TUFM: variants seen among roughly 807,000 people sequenced by gnomAD.
TUFM encodes Tu translation elongation factor, mitochondrial, also known as elongation factor Tu, mitochondrial.
TUFM carries 23 observed loss-of-function variants against 45.0 expected under a neutral mutation model. That is an observed-to-expected ratio of 0.51 (90% confidence interval 0.37 to 0.72). The LOEUF (loss-of-function observed/expected upper bound fraction) is 0.72. TUFM is among the 30% of genes least tolerant of loss of function. The pLI is 0.00. For missense variants in TUFM, 490 were observed against 610.7 expected (o/e 0.80, Z 2.08); for synonymous variants, 243 against 252.9 (o/e 0.96, Z 0.37).
rs1318062101 is a variant in TUFM at position 28,842,836 on chromosome 16, C to T, written c.*139G>A. On this transcript the variant is annotated 3_prime_UTR_variant, in exon 10 of 10. Transcript: ENST00000313511. ...ACCTCCCCAGCCAGGCAGGCCAACCCTTCCGAGCAGGGGAAATGTCCATCT... is the reference window on the plus strand; with the variant it reads ...ACCTCCCCAGCCAGGCAGGCCAACCTTTCCGAGCAGGGGAAATGTCCATCT... 5.1e-6 allele frequency: 6 copies of T among 1,182,626 alleles called. No individual in the cohort carries two copies. The highest frequency in any genetic ancestry group is 6.3e-6 in the Non-Finnish European group (5 of 798,946). 73.3% of individuals were successfully genotyped at this position (1,182,626 alleles called of 1,614,324 possible).
rs1961963732 is a variant in TUFM, at chr16:28,846,329, G to A, written c.-60C>T. 2 of 1,505,760 alleles carry A rather than the reference G, an allele frequency of 1.3e-6. No individual in the cohort carries two copies. The highest frequency in any genetic ancestry group is 1.4e-5 in the African/African-American group (1 of 71,806). The allele number at this position is 1,505,760 out of a possible 1,614,324, so 93.3% of individuals were successfully genotyped here. ...GAGCCCGAGCGCACAGAAGAAGAAG[G>A]GCGCCTGCGGCTGGAAGGCACTTCC... On this transcript the variant is annotated 5_prime_UTR_variant, in exon 1 of 10. Transcript: ENST00000313511.
In TUFM at chr16:28,842,412, A is replaced by G. The variant is rs563070419; in HGVS notation, c.*563T>C. ...ACATAACTTCACTGAGAAATCAAAA[A>G]ATTTGTGACCTGCTTTATTGTGGTA... On this transcript the variant is annotated 3_prime_UTR_variant, in exon 10 of 10. Transcript: ENST00000313511. 1 of 176,164 alleles carries G rather than the reference A, an allele frequency of 5.7e-6. No individual in the cohort carries two copies. The highest frequency in any genetic ancestry group is 5.5e-5 in the Admixed American group (1 of 18,240). The allele number at this position is 176,164 out of a possible 1,614,324, so 10.9% of individuals were successfully genotyped here.
chr16:28,842,768 A>AAGGACAC lies in TUFM; in HGVS notation c.*200_*206dup. ...TCCCCTATCCTCTCCAATTTGCACA[A>AAGGACAC]AGGACACAGGACACAGGCTGGCTTA... On this transcript the variant is annotated 3_prime_UTR_variant, in exon 10 of 10. Transcript: ENST00000313511. The AAGGACAC allele has an allele frequency of 1.5e-6, 1 of 665,982 alleles. No individual in the cohort carries two copies. Among genetic ancestry groups the AAGGACAC allele is most frequent in the Non-Finnish European group, 2.7e-6 (1 of 376,308 alleles). The allele number at this position is 665,982 out of a possible 1,614,324, so 41.3% of individuals were successfully genotyped here. A position where few individuals can be genotyped will look rare whatever the true frequency, so the allele number is the denominator to read the frequency against.
rs199775019 is a variant in TUFM at position 28,846,087 on chromosome 16, G to A, written c.72C>T (p.Thr24=). ...GCCGCAACAGACCCTGCAGCAGGAA[G>A]GTCCGGCCGGCGGCGAGACCTGCCG... is the stretch of plus-strand genomic sequence containing the variant. ...PHFSGLAAGR[T]FLLQGLLRLL... The change falls in exon 2 of 10, where the codon ACC becomes ACT. Residue 24 remains threonine, a synonymous_variant. Transcript: ENST00000313511. 287 of 1,613,698 alleles carry A rather than the reference G, an allele frequency of 1.8e-4. 1 individual carries two copies. In the Admixed American group the frequency reaches 4.7e-3, roughly 26 times the overall value.
intron 9 of TUFM, 48 bp downstream of exon 9, chr16:28,843,688 A>G (rs1341984261): frequency 6.2e-7 from 1 of 1,610,426 alleles, no homozygotes; most frequent in Non-Finnish European, 8.5e-7. Context: ...AAGCAAAGGT[A>G]ATATAAAAAG....
Position 28,843,097 on chromosome 16 carries a change from G to A in TUFM, c.1246C>T (p.Pro416Ser). ...DLKFNLILRQ[P>S]MILEKGQRFT... ...CGCTGGCCTTTCTCTAAGATCATTGGCTGCCGCAAGATTAGGTTGAACTTC... is the reference window on the plus strand; with the variant it reads ...CGCTGGCCTTTCTCTAAGATCATTGACTGCCGCAAGATTAGGTTGAACTTC... Residue 416 changes from proline (P) to serine (S), a missense_variant, in exon 10 of 10, where the codon CCA (proline) becomes TCA (serine). Coordinates refer to ENST00000313511, the MANE Select transcript of TUFM (RefSeq NM_003321.5). 4 of 1,614,216 alleles carry A rather than the reference G, an allele frequency of 2.5e-6. No homozygotes were observed. The highest frequency in any genetic ancestry group is 3.4e-6 in the Non-Finnish European group (4 of 1,180,040).
rs771105357 is a variant in TUFM at position 28,846,121 on chromosome 16, G to C, written c.53-15C>G. 2 of 1,613,236 alleles carry C rather than the reference G, an allele frequency of 1.2e-6. No homozygotes were observed. The highest frequency in any genetic ancestry group is 2.7e-5 in the African/African-American group (2 of 74,910). ...GGCGGCGAGACCTGCCGGGACCGAA[G>C]CTTGGAGTCAGGCAGGGAAGGGGTC... On this transcript the variant is annotated splice_polypyrimidine_tract_variant and intron_variant, in intron 1 of 9. Transcript: ENST00000313511.
Position 28,843,841 on chromosome 16 carries a change from G to A in TUFM, c.1089C>T (p.Ser363=). ...GCTTGTGGCGGCCACCTTCCTCCTTGCTGAGGATGTAAACCTGGAGGAGAG... is the reference window on the plus strand; with the variant it reads ...GCTTGTGGCGGCCACCTTCCTCCTTACTGAGGATGTAAACCTGGAGGAGAG... ...QKVEAQVYIL[S]KEEGGRHKPF... The change falls in exon 9 of 10, where the codon AGC becomes AGT. Residue 363 remains serine, a synonymous_variant. Transcript: ENST00000313511. The A allele has an allele frequency of 6.2e-7, 1 of 1,614,158 alleles. No individual in the cohort carries two copies. Among genetic ancestry groups the A allele is most frequent in the Non-Finnish European group, 8.5e-7 (1 of 1,180,044 alleles).
intron 9 of TUFM, among the ~76,000 whole-genome samples, 171 bp downstream of exon 9, chr16:28,843,565 C>G (rs565107058): frequency 6.6e-6 from 1 of 152,304 alleles, no homozygotes; most frequent in South Asian, 2.1e-4. Context: ...ACTCCCGCCC[C>G]TAAGTCCATG....
rs1281853592 is a variant in TUFM, at chr16:28,844,925, T to C, written c.519+26A>G. 4 of 1,614,134 alleles carry C rather than the reference T, an allele frequency of 2.5e-6. No homozygotes were observed. Among genetic ancestry groups the C allele is most frequent in the Non-Finnish European group, 3.4e-6 (4 of 1,180,008 alleles). ...GGCCCAACTCCCCACTCTTCCCTTTTGCATCCTTACCCAGGCTCTGAGTAC... is the reference window on the plus strand; with the variant it reads ...GGCCCAACTCCCCACTCTTCCCTTTCGCATCCTTACCCAGGCTCTGAGTAC... On this transcript the variant is annotated intron_variant, in intron 4 of 9. Coordinates refer to ENST00000313511, the MANE Select transcript of TUFM (RefSeq NM_003321.5). The surrounding 1 kb of genome is among the most constrained non-coding windows in gnomAD (Gnocchi z 5.8).
intron 9 of TUFM, 47 bp from the exon 10 acceptor site, chr16:28,843,195 A>G (rs1961845541): frequency 3.1e-6 from 5 of 1,606,908 alleles, no homozygotes; most frequent in Non-Finnish European, 4.3e-6. Flanking sequence ...GGGTGCCTTC[A>G]TTCCTTAAGT....
intron 8 of TUFM, 29 bp downstream of exon 8, chr16:28,843,921 C>T: frequency 6.2e-7 from 1 of 1,614,074 alleles, no homozygotes; most frequent in Middle Eastern, 1.7e-4. Flanking sequence ...CTTGGCTCAA[C>T]CCTGCCCACC....
intron 9 of TUFM, 148 bp downstream of exon 9, chr16:28,843,588 T>A: frequency 1.7e-6 from 2 of 1,202,640 alleles, no homozygotes; most frequent in Non-Finnish European, 2.3e-6. Context: ...CCATGCCCCT[T>A]CTGTTGGCTA....
intron 2 of TUFM, 89 bp downstream of exon 2, chr16:28,845,820 ACTC>A: frequency 6.6e-7 from 1 of 1,523,924 alleles, no homozygotes; most frequent in Admixed American, 1.7e-5. Context: ...GCCACAGTAA[ACTC>A]CTCCAGCAGA....
In TUFM at chr16:28,842,654, T is replaced by C; in HGVS notation, c.*321A>G. ...CATCCTACTGTGTCTAGGCAATCAC[T>C]AAGCTCACTGGACTTGATTTATCCG... On this transcript the variant is annotated 3_prime_UTR_variant, in exon 10 of 10. Transcript: ENST00000313511. 2.5e-6 allele frequency: 1 copy of C among 405,294 alleles called. No individual in the cohort carries two copies. The highest frequency in any genetic ancestry group is 2.2e-5 in the South Asian group (1 of 45,666). The allele number at this position is 405,294 out of a possible 1,614,324, so 25.1% of individuals were successfully genotyped here. A position where few individuals can be genotyped will look rare whatever the true frequency, so the allele number is the denominator to read the frequency against.
chr16:28,844,285 C>T lies in TUFM; in HGVS notation c.867G>A (p.Lys289=), dbSNP rs150112464. Residue 289 remains lysine, a synonymous_variant, in exon 7 of 10, where the codon AAG becomes AAA. Transcript: ENST00000313511. The surrounding 1 kb of genome is among the most constrained non-coding windows in gnomAD (Gnocchi z 5.8). ...GTCCTAGGAGCTCACACTCGTCTCC[C>T]TTCTTTAAAATGCCACGCTCTAGTG... ...TGTLERGILK[K]GDECELLGHS... 3 of 1,614,078 alleles carry T rather than the reference C, an allele frequency of 1.9e-6. No individual in the cohort carries two copies. Among genetic ancestry groups the T allele is most frequent in the Non-Finnish European group, 2.5e-6 (3 of 1,180,054 alleles).
chr16:28,845,617 G>T, intron 2 of TUFM, 137 bp from the exon 3 acceptor site: 1 of 1,186,196 alleles, frequency 8.4e-7, no homozygotes, highest in Non-Finnish European at 1.2e-6. Context: ...AGAACTGTGG[G>T]TCAGAAAGAA....
chr16:28,842,614 G>A lies in TUFM; in HGVS notation c.*361C>T. 3.0e-6 allele frequency: 1 copy of A among 334,836 alleles called. No individual in the cohort carries two copies. 20.7% of individuals were successfully genotyped at this position (334,836 alleles called of 1,614,324 possible). A position where few individuals can be genotyped will look rare whatever the true frequency, so the allele number is the denominator to read the frequency against. On this transcript the variant is annotated 3_prime_UTR_variant, in exon 10 of 10. Coordinates refer to ENST00000313511, the MANE Select transcript of TUFM (RefSeq NM_003321.5). ...AACATTCTTTCCCACTATCTCCCAG[G>A]AGGCTGAATAACGGCATCCTACTGT...
In TUFM at chr16:28,843,817, C is replaced by T. The variant is rs765929939; in HGVS notation, c.1113G>A (p.Lys371=). 7 of 1,614,176 alleles carry T rather than the reference C, an allele frequency of 4.3e-6. No individual in the cohort carries two copies. In the Admixed American group the frequency reaches 1.2e-4, roughly 27 times the overall value. Residue 371 remains lysine, a synonymous_variant, in exon 9 of 10, where the codon AAG becomes AAA. Transcript: ENST00000313511. The part of the protein sequence containing the change: ...ILSKEEGGRH[K]PFVSHFMPVM... ...CAGGCATGAAGTGGGACACAAAGGGCTTGTGGCGGCCACCTTCCTCCTTGC... is the reference window on the plus strand; with the variant it reads ...CAGGCATGAAGTGGGACACAAAGGGTTTGTGGCGGCCACCTTCCTCCTTGC...
Sources: allele counts gnomAD v4.1 joint callset (sites outside exome capture counted in the v4.1 genomes callset), GRCh38; gene constraint gnomAD v4.1.1; non-coding constraint Gnocchi (gnomAD v3.1); transcripts MANE v1.5; gene names NCBI Gene and HGNC (gene_info 2026-07-23, HGNC 2026-07-21).